CNOT1: variants seen among roughly 807,000 people sequenced by gnomAD.
The protein encoded by CNOT1 is CCR4-associated factor 1.
A neutral mutation model predicts 273.8 loss-of-function variants in CNOT1; 15 were observed. That is an observed-to-expected ratio of 0.05 (90% confidence interval 0.04 to 0.08). The LOEUF is 0.08. Among genes scored for constraint, CNOT1 ranks in the 10% least tolerant of loss-of-function variants. The pLI is 1.00. For missense variants in CNOT1, 1,644 were observed against 2,912.2 expected (o/e 0.56, Z 10.02); for synonymous variants, 1,022 against 1,005.5 (o/e 1.02, Z -0.31).
chr16:58,553,700 C>T, intron 22 of CNOT1, 82 bp downstream of exon 22: 1 of 1,478,670 alleles, frequency 6.8e-7, no homozygotes, highest in Non-Finnish European at 9.0e-7. Flanking sequence ...CCATTACTAT[C>T]AAGTCTACAA....
intron 13 of CNOT1, among the ~76,000 whole-genome samples, chr16:58,578,452 C>CAA (rs61105275): frequency 0.031 from 3,233 of 102,892 alleles, 127 homozygotes; most frequent in African/African-American, 0.1. Flanking sequence ...GACACCATCT[C>CAA]AAAAAAAAAA....
In CNOT1 at chr16:58,599,418, A is replaced by G; in HGVS notation, c.-81T>C. 5 of 1,568,244 alleles carry G rather than the reference A, an allele frequency of 3.2e-6. 1 individual carries two copies. The South Asian group carries it at 5.6e-5, about 18-fold the overall frequency. On this transcript the variant is annotated 5_prime_UTR_variant, in exon 2 of 49. Coordinates refer to ENST00000317147, the MANE Select transcript of CNOT1 (RefSeq NM_016284.5). ...CCTTTAGTCACCTCAGAGGCAGGTT[A>G]ATGCTTTCTTTGTAATTAGGCTATA...
At chr16:58,543,472 G>A (rs745491617) in intron 31 of CNOT1, 135 bp downstream of exon 31, 1 of 1,508,164 alleles carries the variant, frequency 6.6e-7, no homozygotes, top group South Asian at 1.3e-5. Context: ...CTAAAATGAT[G>A]GAAGACATCA....
In CNOT1 at chr16:58,576,690, C is replaced by T. The variant is rs1046336287; in HGVS notation, c.1585-108G>A. 4 of 1,495,902 alleles carry T rather than the reference C, an allele frequency of 2.7e-6. No homozygotes were observed. In the South Asian group the frequency reaches 3.9e-5, roughly 14 times the overall value. 92.7% of individuals were successfully genotyped at this position (1,495,902 alleles called of 1,614,324 possible). ...AGAACTTGTATAAAAATCAGGTATA[C>T]CTGTGCTGACATTAAGTTCAGGCCT... On this transcript the variant is annotated intron_variant, in intron 13 of 48. Transcript: ENST00000317147.
intron 16 of CNOT1, among the ~76,000 whole-genome samples, chr16:58,562,581 C>T (rs1486938501): frequency 1.3e-5 from 2 of 151,534 alleles, no homozygotes; most frequent in African/African-American, 4.8e-5. Context: ...CCCAGCACTT[C>T]GGGAGACAGA....
chr16:58,622,499 A>G lies in CNOT1; in HGVS notation c.-175+7229T>C, dbSNP rs571667003. ...GAAAAAAACGCAAAACCTAGAAGCTATAAATCTAAGGGAACAAACGTTTAA... is the reference window on the plus strand; with the variant it reads ...GAAAAAAACGCAAAACCTAGAAGCTGTAAATCTAAGGGAACAAACGTTTAA... On this transcript the variant is annotated intron_variant, in intron 1 of 48. Transcript: ENST00000317147. Among the ~76,000 whole-genome samples the G allele has an allele frequency of 3.7e-3, 571 of 152,286 alleles. 3 individuals are homozygous for G. Among genetic ancestry groups the G allele is most frequent in the Non-Finnish European group, 5.4e-3 (370 of 68,010 alleles).
At position 58,622,113 on chromosome 16, in the gene CNOT1, C is replaced by A. The variant is rs374486352; in HGVS notation, c.-175+7615G>T. Among the ~76,000 whole-genome samples the A allele has an allele frequency of 3.6e-4, 55 of 150,980 alleles. 4 individuals carry two copies. In the South Asian group the frequency reaches 0.011, roughly 30 times the overall value. On this transcript the variant is annotated intron_variant, in intron 1 of 48. Coordinates refer to ENST00000317147, the MANE Select transcript of CNOT1 (RefSeq NM_016284.5). ...GGATCACGAGGTCAGGAGATCGAGA[C>A]CATCCTGGCTAACACGGTGAAACCC...
intron 1 of CNOT1, among the ~76,000 whole-genome samples, chr16:58,620,084 T>C (rs2043254458): frequency 6.6e-6 from 1 of 152,148 alleles, no homozygotes; most frequent in African/African-American, 2.4e-5. Flanking sequence ...TTTCCAAGAA[T>C]GCTATATTCT....
At chr16:58,629,376 C>G (rs996509788) in intron 1 of CNOT1, among the ~76,000 whole-genome samples, 5 of 152,188 alleles carry the variant, frequency 3.3e-5, no homozygotes, top group Non-Finnish European at 5.9e-5. Context: ...GGGTGCAACC[C>G]GCGCGAAGCC....
chr16:58,537,858 A>G (rs2039971785), intron 38 of CNOT1, 33 bp downstream of exon 38: 1 of 1,611,440 alleles, frequency 6.2e-7, no homozygotes, highest in Non-Finnish European at 8.5e-7. Flanking sequence ...AGACTACTAA[A>G]TGCACAGGGA....
At chr16:58,574,934 TAA>T (rs2041409129) in intron 15 of CNOT1, 71 bp downstream of exon 15, 3 of 1,578,040 alleles carry the variant, frequency 1.9e-6, no homozygotes, top group Non-Finnish European at 2.6e-6. Context: ...GCACAAATTT[TAA>T]AAGTTGTACT....
In CNOT1 at chr16:58,583,844, ATTT is replaced by A. The variant is rs540501094; in HGVS notation, c.807-665_807-663del. On this transcript the variant is annotated intron_variant, in intron 8 of 48. Coordinates refer to ENST00000317147, the MANE Select transcript of CNOT1 (RefSeq NM_016284.5). ...ATGAGCCACAATGCCCAGCCTGAAA[ATTT>A]TTTTAAAACAGGCAAACAATTTTAA... 1.4e-4 allele frequency among the ~76,000 whole-genome samples: 21 copies of A among 151,688 alleles called. No individual in the cohort carries two copies. In the South Asian group the frequency reaches 4.2e-3, roughly 30 times the overall value.
At chr16:58,533,683 G>C (rs936880442) in intron 40 of CNOT1, among the ~76,000 whole-genome samples, 1 of 151,710 alleles carries the variant, frequency 6.6e-6, no homozygotes, top group Non-Finnish European at 1.5e-5. Context: ...AAATTAGCCG[G>C]GCATGTTGGC....
intron 17 of CNOT1, 124 bp from the exon 18 acceptor site, chr16:58,558,798 C>G: frequency 7.8e-7 from 1 of 1,284,704 alleles, no homozygotes; most frequent in Non-Finnish European, 1.1e-6. Flanking sequence ...CACTCAATCA[C>G]GATGATACTT....
chr16:58,541,065 C>T (rs1270715891), intron 34 of CNOT1, among the ~76,000 whole-genome samples: 1 of 152,064 alleles, frequency 6.6e-6, no homozygotes, highest in African/African-American at 2.4e-5. Context: ...ATTAGCTGAG[C>T]ATGGTGGCAC....
At chr16:58,539,484 C>T (rs202052821) in intron 35 of CNOT1, among the ~76,000 whole-genome samples, 10 of 151,540 alleles carry the variant, frequency 6.6e-5, no homozygotes, top group South Asian at 6.3e-4. Flanking sequence ...CACACACACA[C>T]ACACACACAG....
In CNOT1 at chr16:58,586,655, A is replaced by G. The variant is rs765937674; in HGVS notation, c.527T>C (p.Ile176Thr). ...SGNQEGGFQD[I>T]AIEVLHLLLS... is the part of the protein sequence containing the mutation. ...GAGGAGGTGTAGGACCTCTATTGCT[A>G]TATCTTGGAAGCCACCTTCTTGATT... Residue 176 changes from isoleucine to threonine, a missense_variant, in exon 7 of 49, where the codon ATA (isoleucine) becomes ACA (threonine). Coordinates refer to ENST00000317147, the MANE Select transcript of CNOT1 (RefSeq NM_016284.5). The G allele has an allele frequency of 3.7e-5, 59 of 1,613,098 alleles. No individual in the cohort carries two copies. Among genetic ancestry groups the G allele is most frequent in the Non-Finnish European group, 4.6e-5 (54 of 1,179,870 alleles).
At chr16:58,548,352 C>G in intron 25 of CNOT1, 2 of 393,708 alleles carry the variant, frequency 5.1e-6, no homozygotes, top group South Asian at 3.9e-5. Flanking sequence ...CATGTATATA[C>G]CCATCTACTC....
chr16:58,539,466 T>TACACACACACACACACACAC, intron 35 of CNOT1, among the ~76,000 whole-genome samples: 1 of 145,578 alleles, frequency 6.9e-6, no homozygotes, highest in Non-Finnish European at 1.5e-5. Context: ...CCCTGTCTCT[T>TACACACACACACACACACAC]ACACACACAC....
Sources: gnomAD v4.1 joint callset for allele counts (sites outside exome capture counted in the v4.1 genomes callset) on GRCh38, gnomAD v4.1.1 for gene constraint, MANE v1.5 for transcripts, NCBI Gene and HGNC (gene_info 2026-07-23, HGNC 2026-07-21) for gene names.